The following GGT5 variants were observed in gnomAD, a reference collection of about 807,000 sequenced individuals.
The protein encoded by GGT5 is glutathione hydrolase 5 proenzyme.
Under a neutral mutation model 58.1 loss-of-function variants are expected in GGT5, and 50 were observed. The observed-to-expected ratio is 0.86, with a 90% CI of 0.69 to 1.09. The LOEUF is 1.09. Among genes scored for constraint, GGT5 ranks in the 50% least tolerant of loss-of-function variants. GGT5 has a pLI of 0.00. For synonymous variants in GGT5, 370 were observed against 346.1 expected (o/e 1.07, Z -0.77); for missense variants, 800 against 789.4 (o/e 1.01, Z -0.16).
In GGT5 at chr22:24,232,853, A is replaced by G; in HGVS notation, c.566T>C (p.Leu189Pro). 18 of 1,562,236 alleles carry G rather than the reference A, an allele frequency of 1.2e-5. No homozygotes were observed. The highest frequency in any genetic ancestry group is 1.6e-5 in the Non-Finnish European group (18 of 1,151,994). Residue 189 changes from leucine (L) to proline (P), a missense_variant, in exon 4 of 12, where the codon CTG becomes CCG. Leu to Pro is a moderately conservative substitution (Grantham distance 98, BLOSUM62 -3). Coordinates refer to ENST00000327365, the MANE Select transcript of GGT5 (RefSeq NM_004121.5). ...GGTTGACGCCTGCAAGGAAGGCCGC[A>G]GGATGCTGTTGTGCAGGAAACGGCT... ...VLSRFLHNSI[L>P]RPSLQASTLR...
intron 1 of GGT5, among the ~76,000 whole-genome samples, chr22:24,239,136 G>A (rs1363074195): frequency 2.0e-5 from 3 of 146,958 alleles, no homozygotes; most frequent in Non-Finnish European, 4.5e-5. Context: ...TTAGGAGATC[G>A]AGACCATCCT....
In GGT5 at chr22:24,229,361, G is replaced by A. The variant is rs373649514; in HGVS notation, c.901+2023C>T. Among the ~76,000 whole-genome samples, 40 of 151,698 alleles carry A rather than the reference G, an allele frequency of 2.6e-4. 1 individual carries two copies. Among genetic ancestry groups the A allele is most frequent in the African/African-American group, 9.4e-4 (39 of 41,366 alleles). On this transcript the variant is annotated intron_variant, in intron 6 of 11. Transcript: ENST00000327365. ...GGCAGAGTTTGTAGTGAACCGAGAC[G>A]CACCATTGCACTCCAGCCTTGGCGA...
rs760496253 is a variant in GGT5, at chr22:24,233,941, G to A, written c.237C>T (p.Ser79=). The A allele has an allele frequency of 2.0e-5, 33 of 1,613,152 alleles. 1 individual carries two copies. In the Middle Eastern group the frequency reaches 9.9e-4, roughly 49 times the overall value. ...GGCCCATGCTCTGAGGGTTGACGACGCTGGTGCAGACCAGAGCCGCGATGG... is the reference window on the plus strand; with the variant it reads ...GGCCCATGCTCTGAGGGTTGACGACACTGGTGCAGACCAGAGCCGCGATGG... ...DATIAALVCT[S]VVNPQSMGLG... is the part of the protein sequence containing the mutation. The change falls in exon 2 of 12, where the codon AGC becomes AGT. Residue 79 remains serine (S), a synonymous_variant. Coordinates refer to ENST00000327365, the MANE Select transcript of GGT5 (RefSeq NM_004121.5).
chr22:24,244,572 C>G lies in GGT5; in HGVS notation c.154G>C (p.Val52Leu). ...ACTCACCGTCCAATATCCGAGCAGA[C>G]CTTGGAGTCGGCGGCAACAGCAGCG... ...AHAAVAADSK[V>L]CSDIGRAILQ... Residue 52 changes from valine to leucine, a missense_variant, in exon 1 of 12, where the codon GTC becomes CTC. Val to Leu is a conservative substitution (Grantham distance 32). Coordinates refer to ENST00000327365, the MANE Select transcript of GGT5 (RefSeq NM_004121.5). 1 of 1,612,242 alleles carries G rather than the reference C, an allele frequency of 6.2e-7. No individual in the cohort carries two copies. The highest frequency in any genetic ancestry group is 8.5e-7 in the Non-Finnish European group (1 of 1,179,798).
rs1246426310 is a variant in GGT5 at position 24,232,905 on chromosome 22, C to G, written c.514G>C (p.Gly172Arg). The G allele has an allele frequency of 6.3e-7, 1 of 1,583,198 alleles. No individual in the cohort carries two copies. The highest frequency in any genetic ancestry group is 1.7e-4 in the Middle Eastern group (1 of 5,766). ...AGGACAGGGGCCACCACATGCCCCC[C>G]TCGGAGCAGCGCGATGGTGGGCTGG... ...LFQPTIALLR[G>R]GHVVAPVLSR... Residue 172 changes from glycine (G) to arginine (R), a missense_variant, in exon 4 of 12, where the codon GGG becomes CGG. By Grantham distance (125) the Gly-to-Arg change is moderately radical. Transcript: ENST00000327365.
chr22:24,240,904 T>C (rs2148951214), intron 1 of GGT5, among the ~76,000 whole-genome samples: 1 of 152,282 alleles, frequency 6.6e-6, no homozygotes, highest in East Asian at 1.9e-4. Context: ...ATGCCTGTAA[T>C]CCCAGCACTT....
Position 24,231,414 on chromosome 22 carries a change from T to A in GGT5, c.871A>T (p.Ile291Phe). The A allele has an allele frequency of 6.4e-7, 1 of 1,553,190 alleles. No individual in the cohort carries two copies. The highest frequency in any genetic ancestry group is 8.7e-7 in the Non-Finnish European group (1 of 1,148,512). ...YSPPPPAGGA[I>F]LSFILNVLRG... ...AGCACGTTGAGGATAAAGCTGAGAA[T>A]GGCACCCCCTGCAGGCGGCGGTGGT... The change falls in exon 6 of 12, where the codon ATT (isoleucine) becomes TTT (phenylalanine). Residue 291 changes from isoleucine (I) to phenylalanine (F), a missense_variant. Coordinates refer to ENST00000327365, the MANE Select transcript of GGT5 (RefSeq NM_004121.5).
Position 24,226,226 on chromosome 22 carries a change from A to C in GGT5, c.1079T>G (p.Leu360Arg). Residue 360 changes from leucine (L) to arginine (R), a missense_variant, in exon 8 of 12, where the codon CTC becomes CGC. Coordinates refer to ENST00000327365, the MANE Select transcript of GGT5 (RefSeq NM_004121.5). ...RDLLGETLAQ[L>R]IRQQIDGRGD... is the part of the protein sequence containing the mutation. ...CCGGCCATCGATCTGTTGGCGGATG[A>C]GCTGGGCCAGGGTCTCCCCCAGCAG... is the stretch of plus-strand genomic sequence containing the variant. 2 of 1,608,500 alleles carry C rather than the reference A, an allele frequency of 1.2e-6. No individual in the cohort carries two copies. The highest frequency in any genetic ancestry group is 1.7e-6 in the Non-Finnish European group (2 of 1,179,630).
At chr22:24,243,515 AGAG>A (rs1569377836) in intron 1 of GGT5, 2 of 152,244 alleles carry the variant, frequency 1.3e-5, no homozygotes, top group Non-Finnish European at 2.9e-5. Context: ...ACAGAGAGAG[AGAG>A]CAGCCACTCC....
chr22:24,222,215 C>CA (rs1002230584), intron 11 of GGT5, among the ~76,000 whole-genome samples: 47 of 151,782 alleles, frequency 3.1e-4, no homozygotes, highest in Admixed American at 2.7e-3. Flanking sequence ...CAAAACAAAA[C>CA]AAAAAAAACT....
intron 5 of GGT5, 85 bp from the exon 6 acceptor site, chr22:24,231,615 G>A: frequency 2.2e-6 from 3 of 1,334,172 alleles, no homozygotes; most frequent in Admixed American, 2.0e-5. Flanking sequence ...CACACAATGG[G>A]ATTCCACTCA....
rs576688139 is a variant in GGT5, at chr22:24,222,913, T to G, written c.1614+2083A>C. On this transcript the variant is annotated intron_variant, in intron 11 of 11. Coordinates refer to ENST00000327365, the MANE Select transcript of GGT5 (RefSeq NM_004121.5). The stretch of plus-strand genomic sequence containing the variant: ...TAACACGGTGAAACCCTGTCTCTAC[T>G]AAAAATACAAAAAATTAGCCGAGCG... 3.1e-3 allele frequency among the ~76,000 whole-genome samples: 474 copies of G among 151,142 alleles called. 5 individuals are homozygous for G. The highest frequency in any genetic ancestry group is 2.8e-3 in the Non-Finnish European group (192 of 67,842).
Position 24,244,542 on chromosome 22 carries a change from G to T in GGT5, c.173+11C>A, listed in dbSNP as rs201909532. On this transcript the variant is annotated intron_variant, in intron 1 of 11. Coordinates refer to ENST00000327365, the MANE Select transcript of GGT5 (RefSeq NM_004121.5). ...CAAGGGCCACCCAGCTTCCTCCCAC[G>T]TCTCACTCACCGTCCAATATCCGAG... 283 of 1,607,428 alleles carry T rather than the reference G, an allele frequency of 1.8e-4. No homozygotes were observed. The highest frequency in any genetic ancestry group is 2.3e-4 in the Non-Finnish European group (268 of 1,176,434).
chr22:24,238,825 AT>A (rs1484933510), intron 1 of GGT5, among the ~76,000 whole-genome samples: 1,765 of 14,670 alleles, frequency 0.12, 255 homozygotes, highest in Admixed American at 0.16. Flanking sequence ...ATATATATAT[AT>A]ATATATTTAT....
At position 24,226,579 on chromosome 22, in the gene GGT5, C is replaced by G. The variant is rs1017112020; in HGVS notation, c.1038+52G>C. On this transcript the variant is annotated intron_variant, in intron 7 of 11. Coordinates refer to ENST00000327365, the MANE Select transcript of GGT5 (RefSeq NM_004121.5). ...CCTGACCCTCATTTCATGCCAAGTC[C>G]TGAGCCAGGGAGGAGGACGGCCCAC... 3.8e-6 allele frequency: 6 copies of G among 1,597,988 alleles called. No individual in the cohort carries two copies. In the Admixed American group the frequency reaches 5.0e-5, roughly 13 times the overall value.
chr22:24,239,402 A>G (rs4049956), intron 1 of GGT5, among the ~76,000 whole-genome samples: 1 of 152,170 alleles, frequency 6.6e-6, no homozygotes, highest in African/African-American at 2.4e-5. Context: ...TTATTGGTAT[A>G]AAATTATAGT....
intron 11 of GGT5, among the ~76,000 whole-genome samples, chr22:24,222,853 G>A (rs202154883): frequency 2.0e-4 from 30 of 149,380 alleles, no homozygotes; most frequent in African/African-American, 6.2e-4. Flanking sequence ...CAAGGCGGGC[G>A]GATCACAAGG....
chr22:24,241,778 A>G (rs1811596695), intron 1 of GGT5: 4 of 150,042 alleles, frequency 2.7e-5, no homozygotes, highest in Admixed American at 1.3e-4. Flanking sequence ...GAAGATATTA[A>G]GATAACCATT....
In GGT5 at chr22:24,239,412, T is replaced by C. The variant is rs1219410005; in HGVS notation, c.173+5141A>G. Among the ~76,000 whole-genome samples the C allele has an allele frequency of 3.3e-5, 5 of 151,958 alleles. No homozygotes were observed. The South Asian group carries it at 8.3e-4, about 25-fold the overall frequency. ...GAACGTTATTGGTATAAAATTATAG[T>C]AGTATAGAAAATGATATCTTGTGGG... is the stretch of plus-strand genomic sequence containing the variant. On this transcript the variant is annotated intron_variant, in intron 1 of 11. Coordinates refer to ENST00000327365, the MANE Select transcript of GGT5 (RefSeq NM_004121.5).
Sources: allele counts gnomAD v4.1 joint callset (sites outside exome capture counted in the v4.1 genomes callset), GRCh38; gene constraint gnomAD v4.1.1; transcripts MANE v1.5; gene names NCBI Gene and HGNC (gene_info 2026-07-23, HGNC 2026-07-21).